Variants in USP31 observed in about 807,000 individuals in gnomAD.
USP31 encodes the protein ubiquitin carboxyl-terminal hydrolase 31.
USP31 carries 44 observed loss-of-function variants against 119.4 expected under a neutral mutation model. The ratio of observed to expected loss-of-function variants is 0.37; its 90% CI spans 0.29 to 0.47. The LOEUF is 0.47. Among genes scored for constraint, USP31 ranks in the 20% least tolerant of loss-of-function variants. USP31 has a pLI of 0.99. For missense variants in USP31, 1,643 were observed against 1,730.2 expected, an observed-to-expected ratio of 0.95 and a Z score of 0.89; for synonymous variants, 749 against 705.6, an observed-to-expected ratio of 1.06 and a Z score of -0.97.
chr16:23,097,221 C>T (rs1039711996), intron 6 of USP31, among the ~76,000 whole-genome samples: 3 of 152,150 alleles, frequency 2.0e-5, no homozygotes, highest in African/African-American at 7.2e-5. Flanking sequence ...CACCTCTACA[C>T]AAATAAACTA....
In USP31 at chr16:23,069,461, G is replaced by C; in HGVS notation, c.2644C>G (p.Arg882Gly). ...KLQMRSNSPS[R>G]FSGDSPIHSS... is the part of the protein sequence containing the mutation. Reference sequence around the variant, plus strand: ...TGAATTGGCGAATCCCCTGAAAATCGGGATGGAGAATTGGAGCGCATCTGC... The same window carrying C: ...TGAATTGGCGAATCCCCTGAAAATCCGGATGGAGAATTGGAGCGCATCTGC... The change falls in exon 16 of 16, where the codon CGA (arginine) becomes GGA (glycine). Residue 882 changes from arginine to glycine, a missense_variant. Coordinates refer to ENST00000219689, the MANE Select transcript of USP31 (RefSeq NM_020718.4). 6.2e-7 allele frequency: 1 copy of C among 1,614,190 alleles called. No individual in the cohort carries two copies.
chr16:23,084,611 A>G (rs540673089), intron 11 of USP31, among the ~76,000 whole-genome samples: 2 of 152,378 alleles, frequency 1.3e-5, no homozygotes, highest in East Asian at 3.9e-4. Context: ...CTTGATCATT[A>G]ACCATTAAAA....
chr16:23,119,097 CTTT>C (rs1451558777), intron 1 of USP31, among the ~76,000 whole-genome samples: 1 of 143,552 alleles, frequency 7.0e-6, no homozygotes, highest in East Asian at 2.0e-4. Flanking sequence ...TATCACTCTT[CTTT>C]TTTTCTTTTT....
chr16:23,128,366 C>G (rs1902930007), intron 1 of USP31, among the ~76,000 whole-genome samples: 1 of 152,024 alleles, frequency 6.6e-6, no homozygotes, highest in Non-Finnish European at 1.5e-5. Context: ...GTCGACTTGT[C>G]CCACTGGACA....
intron 1 of USP31, among the ~76,000 whole-genome samples, chr16:23,135,684 A>T (rs998258242): frequency 6.6e-6 from 1 of 152,240 alleles, no homozygotes; most frequent in African/African-American, 2.4e-5. Context: ...GGAATTAAAG[A>T]CATAAATAAA....
At chr16:23,121,149 C>G (rs1055768629) in intron 1 of USP31, among the ~76,000 whole-genome samples, 2 of 152,184 alleles carry the variant, frequency 1.3e-5, no homozygotes, top group Admixed American at 6.5e-5. Flanking sequence ...GCAGATCCAG[C>G]AAGTTTCACT....
intron 1 of USP31, among the ~76,000 whole-genome samples, chr16:23,142,243 A>G (rs1903373371): frequency 2.0e-5 from 3 of 152,228 alleles, no homozygotes; most frequent in Admixed American, 2.0e-4. Context: ...GATGTGGTAA[A>G]CATCAGCTCA....
chr16:23,117,751 C>A (rs6145785), intron 1 of USP31, among the ~76,000 whole-genome samples: 67 of 141,606 alleles, frequency 4.7e-4, no homozygotes, highest in African/African-American at 1.6e-3. Flanking sequence ...TTTTCCTTTT[C>A]TTTTTTTTTT....
chr16:23,084,438 T>C (rs889789670), intron 11 of USP31, among the ~76,000 whole-genome samples: 2 of 152,228 alleles, frequency 1.3e-5, no homozygotes, highest in African/African-American at 4.8e-5. Flanking sequence ...GGAACTGAAT[T>C]ATTTACTTCA....
intron 1 of USP31, among the ~76,000 whole-genome samples, chr16:23,124,274 T>C (rs565864786): frequency 8.1e-4 from 123 of 152,286 alleles, no homozygotes; most frequent in African/African-American, 2.9e-3. Flanking sequence ...TGAGTATGTC[T>C]AGGATTCTCA....
intron 9 of USP31, 43 bp downstream of exon 9, chr16:23,087,049 G>T: frequency 7.0e-7 from 1 of 1,431,844 alleles, no homozygotes; most frequent in Non-Finnish European, 9.7e-7. Flanking sequence ...ACATGAATAT[G>T]TGTGAGATTC....
Position 23,068,930 on chromosome 16 carries a change from A to G in USP31, c.3175T>C (p.Ser1059Pro). 2 of 1,613,746 alleles carry G rather than the reference A, an allele frequency of 1.2e-6. No individual in the cohort carries two copies. Among genetic ancestry groups the G allele is most frequent in the Non-Finnish European group, 8.5e-7 (1 of 1,179,904 alleles). The change falls in exon 16 of 16, where the codon TCT becomes CCT. Residue 1059 changes from serine (S) to proline (P), a missense_variant. Ser to Pro is a moderately conservative substitution (Grantham distance 74). Transcript: ENST00000219689. ...QESSLSSTSP[S>P]SPLPVKVSLK... The stretch of plus-strand genomic sequence containing the variant: ...GAGACTTTTACAGGAAGAGGAGAAG[A>G]AGGGGATGTACTTGAAAGGGATGAC...
chr16:23,068,160 T>C lies in USP31; in HGVS notation c.3945A>G (p.Gln1315=), dbSNP rs759005734. ...GAGACGAGGGAACTCCAGAGTCTAG[T>C]TGGGAAGACTTGGATTTGCGAGCGG... ...LLSARKSKSS[Q]LDSGVPSSPG... The change falls in exon 16 of 16, where the codon CAA becomes CAG. Residue 1315 remains glutamine, a synonymous_variant. Coordinates refer to ENST00000219689, the MANE Select transcript of USP31 (RefSeq NM_020718.4). 3.1e-6 allele frequency: 5 copies of C among 1,614,054 alleles called. No homozygotes were observed. Among genetic ancestry groups the C allele is most frequent in the Non-Finnish European group, 4.2e-6 (5 of 1,180,044 alleles).
intron 15 of USP31, 68 bp downstream of exon 15, chr16:23,071,977 A>T (rs1031347804): frequency 1.3e-6 from 2 of 1,542,386 alleles, no homozygotes; most frequent in Non-Finnish European, 1.7e-6. Context: ...TCCTAGGAAA[A>T]ACACGAGGGA....
In USP31 at chr16:23,068,566, C is replaced by T. The variant is rs775750903; in HGVS notation, c.3539G>A (p.Arg1180Gln). 4.0e-5 allele frequency: 64 copies of T among 1,613,968 alleles called. No individual in the cohort carries two copies. The South Asian group carries it at 4.9e-4, about 12-fold the overall frequency. ...CTCCCCTGCTCGGGCCTGGCTCACC[C>T]GAGGGGAATTGGGTTTGGAGGTGGA... ...ATSTSKPNSP[R>Q]VSQARAGEGR... The change falls in exon 16 of 16, where the codon CGG (arginine) becomes CAG (glutamine). Residue 1180 changes from arginine to glutamine, a missense_variant. Around this residue, in one of 5 missense-constraint regions of USP31, gnomAD observed 699 missense variants for 650.9 expected, o/e 1.07. Transcript: ENST00000219689.
At chr16:23,112,656 T>C (rs1902358467) in intron 1 of USP31, among the ~76,000 whole-genome samples, 1 of 152,182 alleles carries the variant, frequency 6.6e-6, no homozygotes, top group African/African-American at 2.4e-5. Context: ...GTTCCCCTCA[T>C]TTAGAAGAAT....
In USP31 at chr16:23,122,531, T is replaced by TA. The variant is rs141739311; in HGVS notation, c.634-14349dup. On this transcript the variant is annotated intron_variant, in intron 1 of 15. Transcript: ENST00000219689. ...TGAATGTTCACAGCAGCATTATTTA[T>TA]AATAGCCAAAGTAGAAACAACTCAA... is the stretch of plus-strand genomic sequence containing the variant. Among the ~76,000 whole-genome samples the TA allele has an allele frequency of 7.0e-3, 1,063 of 152,328 alleles. 7 individuals carry two copies. Among genetic ancestry groups the TA allele is most frequent in the African/African-American group, 0.025 (1,019 of 41,564 alleles).
rs897705610 is a variant in USP31 at position 23,089,137 on chromosome 16, T to A, written c.1416-1302A>T. Reference sequence around the variant, plus strand: ...CACAGGTTCTTTACTTCATTCCTTCTGTGCCTGACACACACCAAGCTCCTC... The same window carrying A: ...CACAGGTTCTTTACTTCATTCCTTCAGTGCCTGACACACACCAAGCTCCTC... On this transcript the variant is annotated intron_variant, in intron 7 of 15. Coordinates refer to ENST00000219689, the MANE Select transcript of USP31 (RefSeq NM_020718.4). Among the ~76,000 whole-genome samples the A allele has an allele frequency of 2.0e-5, 3 of 152,356 alleles. No homozygotes were observed. In the South Asian group the frequency reaches 6.2e-4, roughly 32 times the overall value.
chr16:23,105,082 G>C (rs1902039724), intron 5 of USP31, among the ~76,000 whole-genome samples: 1 of 152,160 alleles, frequency 6.6e-6, no homozygotes, highest in African/African-American at 2.4e-5. Flanking sequence ...CACTGCTCAA[G>C]TTTTCAAAGC....
Sources: gnomAD v4.1 joint callset for allele counts (sites outside exome capture counted in the v4.1 genomes callset) on GRCh38, gnomAD v4.1.1 for gene constraint, gnomAD v4.1.1 regional missense constraint, MANE v1.5 for transcripts, NCBI Gene and HGNC (gene_info 2026-07-23, HGNC 2026-07-21) for gene names.